GRIK1: variants seen among roughly 807,000 people sequenced by gnomAD.
GRIK1 encodes the protein glutamate receptor ionotropic, kainate 1.
GRIK1 carries 69 observed loss-of-function variants against 105.7 expected under a neutral mutation model. That is an observed-to-expected ratio of 0.65 (90% CI 0.54 to 0.80). The LOEUF (loss-of-function observed/expected upper bound fraction) is 0.80, where lower values mean the gene tolerates loss of function less well. GRIK1 is among the 30% of genes least tolerant of loss of function. GRIK1 has a pLI of 0.00. For missense variants in GRIK1, 1,109 were observed against 1,167.3 expected, an observed-to-expected ratio of 0.95 and a Z score of 0.73; for synonymous variants, 438 against 431.3, an observed-to-expected ratio of 1.02 and a Z score of -0.19.
At chr21:29,852,096 C>T (rs2068325434) in intron 1 of GRIK1, among the ~76,000 whole-genome samples, 1 of 152,144 alleles carries the variant, frequency 6.6e-6, no homozygotes, top group African/African-American at 2.4e-5. Flanking sequence ...ATTGTCAGCA[C>T]TAAGTTCACA....
chr21:29,777,569 T>G (rs1202122164), intron 1 of GRIK1, among the ~76,000 whole-genome samples: 1 of 152,152 alleles, frequency 6.6e-6, no homozygotes, highest in African/African-American at 2.4e-5. Context: ...GAAAAAGGTC[T>G]AATTGTGTTT....
At chr21:29,774,515 G>A (rs528655653) in intron 1 of GRIK1, among the ~76,000 whole-genome samples, 3 of 138,404 alleles carry the variant, frequency 2.2e-5, no homozygotes, top group South Asian at 2.4e-4. Flanking sequence ...GCAGTGGCAC[G>A]ATCTCGGCTC....
intron 14 of GRIK1, among the ~76,000 whole-genome samples, chr21:29,575,787 G>A (rs1192435571): frequency 3.3e-5 from 5 of 152,078 alleles, no homozygotes; most frequent in East Asian, 3.9e-4. Flanking sequence ...AGCCAAGATC[G>A]CGCCACTGGA....
At chr21:29,883,567 A>G (rs1201982921) in intron 1 of GRIK1, among the ~76,000 whole-genome samples, 1 of 152,022 alleles carries the variant, frequency 6.6e-6, no homozygotes, top group Non-Finnish European at 1.5e-5. Flanking sequence ...AATGAAATAT[A>G]AAAGCTTATT....
chr21:29,907,188 A>G (rs1397352257), intron 1 of GRIK1, among the ~76,000 whole-genome samples: 1 of 152,016 alleles, frequency 6.6e-6, no homozygotes, highest in African/African-American at 2.4e-5. Context: ...AAAGAATTCA[A>G]TACAATCTCC....
intron 6 of GRIK1, among the ~76,000 whole-genome samples, chr21:29,649,212 T>C (rs2062677240): frequency 6.6e-6 from 1 of 152,156 alleles, no homozygotes; most frequent in South Asian, 2.1e-4. Context: ...TTCACATAAT[T>C]TCAAAGTTAT....
chr21:29,671,316 G>A (rs561667135), intron 4 of GRIK1, among the ~76,000 whole-genome samples: 2 of 151,824 alleles, frequency 1.3e-5, no homozygotes, highest in Non-Finnish European at 2.9e-5. Flanking sequence ...GTAGAGACAG[G>A]GTTTCACCAT....
chr21:29,560,282 TCTTTCTTTCTTTC>T lies in GRIK1; in HGVS notation c.2356+1329_2356+1341del, dbSNP rs1373981293. ...ACCAGGACCTTATATGATACAGTTT[TCTTTCTTTCTTTC>T]TTTCTTTCTTTCTTTCTTTCTTTCT... On this transcript the variant is annotated intron_variant, in intron 15 of 17. Coordinates refer to ENST00000327783, the MANE Select transcript of GRIK1 (RefSeq NM_001330994.2). 5.7e-3 allele frequency among the ~76,000 whole-genome samples: 238 copies of T among 41,876 alleles called. 4 individuals carry two copies. Among genetic ancestry groups the T allele is most frequent in the African/African-American group, 0.019 (219 of 11,278 alleles). 27.5% of individuals were successfully genotyped at this position (41,876 alleles called of 152,430 possible).
intron 1 of GRIK1, among the ~76,000 whole-genome samples, chr21:29,921,330 T>C (rs2071186780): frequency 6.6e-6 from 1 of 152,182 alleles, no homozygotes; most frequent in Non-Finnish European, 1.5e-5. Context: ...GTTTTTCCAA[T>C]ATATTTCACA....
At chr21:29,927,113 A>G (rs2071395191) in intron 1 of GRIK1, among the ~76,000 whole-genome samples, 1 of 152,162 alleles carries the variant, frequency 6.6e-6, no homozygotes, top group Non-Finnish European at 1.5e-5. Flanking sequence ...CCCGCTCCAC[A>G]CCACCAGCAC....
At chr21:29,766,050 C>T (rs1181991769) in intron 1 of GRIK1, among the ~76,000 whole-genome samples, 2 of 151,916 alleles carry the variant, frequency 1.3e-5, no homozygotes, top group Non-Finnish European at 2.9e-5. Context: ...ACGGTTTTAC[C>T]GTGTTGGCCA....
chr21:29,579,766 T>C (rs1442316881), intron 13 of GRIK1, among the ~76,000 whole-genome samples: 1 of 152,032 alleles, frequency 6.6e-6, no homozygotes, highest in African/African-American at 2.4e-5. Context: ...GACTGTCATG[T>C]ACCCAAGGTA....
chr21:29,624,939 T>A (rs1040160896), intron 7 of GRIK1, among the ~76,000 whole-genome samples: 4 of 152,222 alleles, frequency 2.6e-5, no homozygotes, highest in Admixed American at 1.3e-4. Context: ...AACAGTTTGA[T>A]CCAGGCCTTT....
At chr21:29,561,079 G>A (rs920749903) in intron 15 of GRIK1, among the ~76,000 whole-genome samples, 2 of 152,132 alleles carry the variant, frequency 1.3e-5, no homozygotes, top group Non-Finnish European at 2.9e-5. Context: ...TGGAACTAAG[G>A]AATTTGAAGA....
chr21:29,662,851 C>A lies in GRIK1; in HGVS notation c.727-7988G>T, dbSNP rs570181836. On this transcript the variant is annotated intron_variant, in intron 4 of 17. Transcript: ENST00000327783. The stretch of plus-strand genomic sequence containing the variant: ...TTCTCCAAAATACCAATGCCTGAGC[C>A]TCATTCCTAAATATTCTGATTTATT... 2.0e-4 allele frequency among the ~76,000 whole-genome samples: 30 copies of A among 151,996 alleles called. 1 individual carries two copies. The South Asian group carries it at 6.3e-3, about 32-fold the overall frequency.
intron 1 of GRIK1, among the ~76,000 whole-genome samples, chr21:29,794,309 G>A (rs890026171): frequency 1.3e-5 from 2 of 152,140 alleles, no homozygotes; most frequent in Non-Finnish European, 1.5e-5. Flanking sequence ...GGAGAAAAAC[G>A]TATATTTTTA....
At chr21:29,938,946 G>A (rs994875222) in intron 1 of GRIK1, among the ~76,000 whole-genome samples, 1 of 152,024 alleles carries the variant, frequency 6.6e-6, no homozygotes, top group African/African-American at 2.4e-5. Context: ...CTTGAGATTC[G>A]TGCATACTTG....
At chr21:29,639,684 C>G (rs912612555) in intron 7 of GRIK1, among the ~76,000 whole-genome samples, 3 of 152,162 alleles carry the variant, frequency 2.0e-5, no homozygotes, top group African/African-American at 7.2e-5. Flanking sequence ...GCGTGTCAAT[C>G]CTCTGCCATG....
chr21:29,568,184 T>C (rs968655094), intron 14 of GRIK1, among the ~76,000 whole-genome samples: 3 of 152,252 alleles, frequency 2.0e-5, no homozygotes, highest in African/African-American at 7.2e-5. Flanking sequence ...ACAAATACAC[T>C]TTTAACCTAC....
Sources: allele counts gnomAD v4.1 joint callset (sites outside exome capture counted in the v4.1 genomes callset), GRCh38; gene constraint gnomAD v4.1.1; transcripts MANE v1.5; gene names NCBI Gene and HGNC (gene_info 2026-07-23, HGNC 2026-07-21).